ST8SIA5: variants seen among roughly 807,000 people sequenced by gnomAD.
ST8SIA5 encodes the protein alpha-2,8-sialyltransferase 8E.
A neutral mutation model predicts 40.2 loss-of-function variants in ST8SIA5; 24 were observed. The observed-to-expected ratio is 0.60, with a 90% CI of 0.43 to 0.84. The LOEUF is 0.84. Among genes scored for constraint, ST8SIA5 ranks in the 40% least tolerant of loss-of-function variants. ST8SIA5 has a pLI of 0.00. For synonymous variants in ST8SIA5, 198 were observed against 201.8 expected, an observed-to-expected ratio of 0.98 and a Z score of 0.16; for missense variants, 465 against 498.5, an observed-to-expected ratio of 0.93 and a Z score of 0.64.
chr18:46,674,182 T>C lies in ST8SIA5; in HGVS notation c.*5860A>G, dbSNP rs541963517. On this transcript the variant is annotated 3_prime_UTR_variant, in exon 7 of 7. Transcript: ENST00000315087. The stretch of plus-strand genomic sequence containing the variant: ...GCCACAGTGATGTAAGAGCCTGACA[T>C]GTTTGTGTGGCTTTGAGGAAGGGAA... The C allele has an allele frequency of 6.6e-6, 1 of 152,306 alleles. No individual in the cohort carries two copies. The highest frequency in any genetic ancestry group is 1.5e-5 in the Non-Finnish European group (1 of 68,022). 9.4% of individuals were successfully genotyped at this position (152,306 alleles called of 1,614,324 possible). A position where few individuals can be genotyped will look rare whatever the true frequency, so the allele number is the denominator to read the frequency against.
At chr18:46,693,275 C>A (rs2039525765) in intron 2 of ST8SIA5, among the ~76,000 whole-genome samples, 2 of 152,162 alleles carry the variant, frequency 1.3e-5, no homozygotes, top group Admixed American at 1.3e-4. Context: ...GAGAGTCAGA[C>A]CCCAGTGGAA....
chr18:46,749,033 A>C (rs1191247132), intron 1 of ST8SIA5, among the ~76,000 whole-genome samples: 1 of 152,376 alleles, frequency 6.6e-6, no homozygotes, highest in East Asian at 1.9e-4. Flanking sequence ...AATAAGAATA[A>C]ATGAAGTACT....
intron 1 of ST8SIA5, chr18:46,721,215 A>G (rs2039859176): frequency 1.5e-6 from 1 of 688,284 alleles, no homozygotes; most frequent in Non-Finnish European, 2.4e-6. Context: ...TAAAGGAACC[A>G]GGTGGGATAC....
intron 1 of ST8SIA5, among the ~76,000 whole-genome samples, chr18:46,744,006 G>T (rs1352020253): frequency 2.6e-5 from 4 of 152,138 alleles, no homozygotes; most frequent in East Asian, 1.9e-4. Flanking sequence ...TTACAGACAA[G>T]CAAATGCTGA....
At chr18:46,732,216 G>C (rs1044576212) in intron 1 of ST8SIA5, among the ~76,000 whole-genome samples, 1 of 152,230 alleles carries the variant, frequency 6.6e-6, no homozygotes, top group Non-Finnish European at 1.5e-5. Context: ...GCTCCATCCT[G>C]ACCCCAGTCC....
chr18:46,725,946 C>T (rs376157886), intron 1 of ST8SIA5, among the ~76,000 whole-genome samples: 49 of 102,096 alleles, frequency 4.8e-4, no homozygotes, highest in African/African-American at 1.9e-3. Flanking sequence ...CATGGTGAAA[C>T]CCCATCTCTA....
chr18:46,718,189 C>T (rs931518957), intron 1 of ST8SIA5, among the ~76,000 whole-genome samples: 7 of 151,894 alleles, frequency 4.6e-5, no homozygotes, highest in African/African-American at 9.7e-5. Context: ...AATTAGCCGG[C>T]GCTGGTGGCA....
At chr18:46,693,764 T>C (rs1327815955) in intron 2 of ST8SIA5, among the ~76,000 whole-genome samples, 1 of 152,216 alleles carries the variant, frequency 6.6e-6, no homozygotes, top group African/African-American at 2.4e-5. Context: ...GAGATCCTCA[T>C]GTACATTAAC....
Position 46,679,584 on chromosome 18 carries a change from G to A in ST8SIA5, c.*458C>T, listed in dbSNP as rs1007709811. 5.7e-6 allele frequency: 1 copy of A among 174,204 alleles called. No homozygotes were observed. Among genetic ancestry groups the A allele is most frequent in the African/African-American group, 2.4e-5 (1 of 42,086 alleles). The allele number at this position is 174,204 out of a possible 1,614,324, so 10.8% of individuals were successfully genotyped here. A position where few individuals can be genotyped will look rare whatever the true frequency, so the allele number is the denominator to read the frequency against. ...GATATAAAACACAGGAACCAAAAGT[G>A]TGAATAAAATCTTGACTGTGCTCAA... On this transcript the variant is annotated 3_prime_UTR_variant, in exon 7 of 7. Coordinates refer to ENST00000315087, the MANE Select transcript of ST8SIA5 (RefSeq NM_013305.6).
chr18:46,700,921 C>T (rs973754094), intron 2 of ST8SIA5, among the ~76,000 whole-genome samples: 3 of 152,144 alleles, frequency 2.0e-5, no homozygotes, highest in Non-Finnish European at 4.4e-5. Flanking sequence ...CTAGTACAGT[C>T]AGACCATGGG....
rs778990573 is a variant in ST8SIA5, at chr18:46,756,282, C to G, written c.131+96G>C. On this transcript the variant is annotated intron_variant, in intron 1 of 6. Coordinates refer to ENST00000315087, the MANE Select transcript of ST8SIA5 (RefSeq NM_013305.6). The stretch of plus-strand genomic sequence containing the variant: ...TAGGAGCGGACCCCACGGCCACTCA[C>G]CCCGGGGCGCTGCGACCGAAGCTGC... 102 of 1,534,160 alleles carry G rather than the reference C, an allele frequency of 6.6e-5. No individual in the cohort carries two copies. The Admixed American group carries it at 9.5e-4, about 14-fold the overall frequency.
intron 1 of ST8SIA5, among the ~76,000 whole-genome samples, chr18:46,743,246 T>C (rs614635): frequency 0.72 from 109,788 of 152,008 alleles, 40,155 homozygotes; most frequent in Middle Eastern, 0.8. Context: ...TTCAGAAGGT[T>C]GGTAATAACA....
chr18:46,723,292 C>G (rs1382407309), intron 1 of ST8SIA5: 2 of 152,332 alleles, frequency 1.3e-5, no homozygotes, highest in African/African-American at 4.8e-5. Flanking sequence ...TGGCTCATGC[C>G]TATAATCCCA....
chr18:46,712,236 G>A (rs906096757), intron 1 of ST8SIA5, among the ~76,000 whole-genome samples: 3 of 152,192 alleles, frequency 2.0e-5, no homozygotes, highest in Non-Finnish European at 4.4e-5. Context: ...GCCTCAGTGT[G>A]TGAATGCTAG....
At chr18:46,689,326 TA>T (rs1243390630) in intron 3 of ST8SIA5, among the ~76,000 whole-genome samples, 1 of 152,126 alleles carries the variant, frequency 6.6e-6, no homozygotes, top group African/African-American at 2.4e-5. Flanking sequence ...TCCTGGCCAC[TA>T]ATAGAGGGTA....
intron 4 of ST8SIA5, among the ~76,000 whole-genome samples, chr18:46,687,171 TG>T (rs764268019): frequency 1.3e-5 from 2 of 152,256 alleles, no homozygotes; most frequent in Non-Finnish European, 2.9e-5. Flanking sequence ...TATTTTTAAA[TG>T]GTTGGAAACA....
chr18:46,684,148 C>T (rs1001865078), intron 5 of ST8SIA5, among the ~76,000 whole-genome samples: 1 of 152,198 alleles, frequency 6.6e-6, no homozygotes. Flanking sequence ...CAACTGTGTG[C>T]TCTCACAGAT....
At chr18:46,709,749 T>C (rs2144508266) in intron 1 of ST8SIA5, among the ~76,000 whole-genome samples, 1 of 152,346 alleles carries the variant, frequency 6.6e-6, no homozygotes, top group South Asian at 2.1e-4. Context: ...AGGGAAGAAT[T>C]GTAACACAAT....
intron 1 of ST8SIA5, among the ~76,000 whole-genome samples, chr18:46,740,156 C>G (rs2040074083): frequency 1.3e-5 from 2 of 152,158 alleles, no homozygotes; most frequent in Non-Finnish European, 2.9e-5. Flanking sequence ...ATTAAAATGT[C>G]TTTTAATTGC....
Sources: gnomAD v4.1 joint callset for allele counts (sites outside exome capture counted in the v4.1 genomes callset) on GRCh38, gnomAD v4.1.1 for gene constraint, MANE v1.5 for transcripts, NCBI Gene and HGNC (gene_info 2026-07-23, HGNC 2026-07-21) for gene names.